ASIC2: variants seen among roughly 807,000 people sequenced by gnomAD.
The protein encoded by ASIC2 is acid sensing ion channel subunit 2.
ASIC2 carries 25 observed loss-of-function variants against 57.3 expected under a neutral mutation model. The observed-to-expected ratio is 0.44, with a 90% CI of 0.32 to 0.61. The LOEUF (loss-of-function observed/expected upper bound fraction) is 0.61, where lower values mean the gene tolerates loss of function less well. Ranked by LOEUF, ASIC2 falls within the 20% of genes least tolerant of loss-of-function variation. The pLI is 0.06. For missense variants in ASIC2, 641 were observed against 738.1 expected, an observed-to-expected ratio of 0.87 and a Z score of 1.52; for synonymous variants, 319 against 307.5, an observed-to-expected ratio of 1.04 and a Z score of -0.39.
At chr17:33,596,620 C>G in intron 1 of ASIC2, among the ~76,000 whole-genome samples, 1 of 152,258 alleles carries the variant, frequency 6.6e-6, no homozygotes. Flanking sequence ...GTAGATAGGA[C>G]CCTCCCAACC....
intron 1 of ASIC2, among the ~76,000 whole-genome samples, chr17:33,283,667 T>G (rs2142172348): frequency 6.6e-6 from 1 of 152,324 alleles, no homozygotes; most frequent in Non-Finnish European, 1.5e-5. Flanking sequence ...TTAAGAGACC[T>G]TAATTCAAAT....
At chr17:33,117,594 G>A (rs1350941585) in intron 1 of ASIC2, among the ~76,000 whole-genome samples, 2 of 152,226 alleles carry the variant, frequency 1.3e-5, no homozygotes, top group Non-Finnish European at 2.9e-5. Context: ...GCAGAGCTGA[G>A]ACTCATGGGT....
intron 1 of ASIC2, among the ~76,000 whole-genome samples, chr17:33,873,662 T>C (rs887553090): frequency 1.3e-5 from 2 of 152,308 alleles, no homozygotes; most frequent in African/African-American, 2.4e-5. Context: ...AACGGGGTAA[T>C]ACCATGTACA....
At chr17:33,080,196 G>A (rs554079555) in intron 3 of ASIC2, among the ~76,000 whole-genome samples, 1 of 152,204 alleles carries the variant, frequency 6.6e-6, no homozygotes, top group East Asian at 1.9e-4. Flanking sequence ...GGGGGCCAAG[G>A]CAGAGTGGGC....
intron 1 of ASIC2, among the ~76,000 whole-genome samples, chr17:33,697,457 C>A (rs1908562576): frequency 6.6e-6 from 1 of 152,136 alleles, no homozygotes; most frequent in Non-Finnish European, 1.5e-5. Context: ...TCAAGGGTCA[C>A]CTGTATTTGT....
chr17:34,031,630 T>A (rs1187548651), intron 1 of ASIC2, among the ~76,000 whole-genome samples: 2 of 151,848 alleles, frequency 1.3e-5, no homozygotes, highest in African/African-American at 4.8e-5. Flanking sequence ...ATTAGACAAA[T>A]GGATAACTAG....
chr17:33,888,924 A>G (rs1437442858), intron 1 of ASIC2, among the ~76,000 whole-genome samples: 1 of 152,132 alleles, frequency 6.6e-6, no homozygotes, highest in Non-Finnish European at 1.5e-5. Context: ...GCATGGGGGA[A>G]GCAGAGGGAC....
chr17:33,696,417 T>C (rs1908529955), intron 1 of ASIC2, among the ~76,000 whole-genome samples: 2 of 152,248 alleles, frequency 1.3e-5, no homozygotes, highest in Admixed American at 6.5e-5. Context: ...TCTAACAAGC[T>C]GGTGTTTGAC....
At chr17:33,265,981 T>C (rs1909443486) in intron 1 of ASIC2, among the ~76,000 whole-genome samples, 1 of 152,210 alleles carries the variant, frequency 6.6e-6, no homozygotes, top group African/African-American at 2.4e-5. Context: ...GTTCACCTCC[T>C]GTCCCATGGC....
chr17:34,082,374 A>G (rs1909917634), intron 1 of ASIC2: 1 of 152,200 alleles, frequency 6.6e-6, no homozygotes, highest in African/African-American at 2.4e-5. Context: ...ATACTATTAA[A>G]TCTTGTATTC....
chr17:33,190,569 C>T (rs1378479864), intron 1 of ASIC2, among the ~76,000 whole-genome samples: 1 of 152,004 alleles, frequency 6.6e-6, no homozygotes, highest in African/African-American at 2.4e-5. Context: ...TGTGAAAGAC[C>T]TAGAATAGTC....
intron 1 of ASIC2, among the ~76,000 whole-genome samples, chr17:33,741,093 G>A (rs1324425868): frequency 6.6e-6 from 1 of 152,160 alleles, no homozygotes; most frequent in East Asian, 1.9e-4. Context: ...CGGAGCTGTC[G>A]AAGGGGCTTC....
At chr17:33,044,554 G>A (rs1321427200) in intron 3 of ASIC2, among the ~76,000 whole-genome samples, 1 of 152,034 alleles carries the variant, frequency 6.6e-6, no homozygotes, top group Non-Finnish European at 1.5e-5. Context: ...TAGAGATGGG[G>A]TTTCACCATG....
chr17:33,643,770 C>T (rs1469106815), intron 1 of ASIC2, among the ~76,000 whole-genome samples: 1 of 152,138 alleles, frequency 6.6e-6, no homozygotes, highest in South Asian at 2.1e-4. Flanking sequence ...CTGTTGTCAA[C>T]AAGAGAGTTA....
chr17:34,043,864 A>C (rs1177606206), intron 1 of ASIC2, among the ~76,000 whole-genome samples: 1 of 152,140 alleles, frequency 6.6e-6, no homozygotes, highest in Non-Finnish European at 1.5e-5. Flanking sequence ...GCTGGAACCA[A>C]GAGTGCAATT....
chr17:34,111,364 G>A (rs945000668), intron 1 of ASIC2, among the ~76,000 whole-genome samples: 4 of 149,902 alleles, frequency 2.7e-5, no homozygotes, highest in African/African-American at 4.9e-5. Flanking sequence ...TGATAAAACA[G>A]ATTCTGGGTC....
At chr17:33,793,693 G>T (rs1471670469) in intron 1 of ASIC2, 2 of 152,174 alleles carry the variant, frequency 1.3e-5, no homozygotes, top group Non-Finnish European at 2.9e-5. Context: ...TCTACCATGT[G>T]CCTGTTTCTC....
At chr17:33,812,984 T>C (rs896212839) in intron 1 of ASIC2, among the ~76,000 whole-genome samples, 4 of 152,150 alleles carry the variant, frequency 2.6e-5, no homozygotes, top group African/African-American at 4.8e-5. Flanking sequence ...TGTCCATTTT[T>C]TGGCTCAGGG....
At chr17:33,435,681 C>T (rs1911586461) in intron 1 of ASIC2, among the ~76,000 whole-genome samples, 1 of 152,140 alleles carries the variant, frequency 6.6e-6, no homozygotes, top group Non-Finnish European at 1.5e-5. Flanking sequence ...AGAAGCAGTT[C>T]TACTAATAAA....
Sources: gnomAD v4.1 joint callset for allele counts (sites outside exome capture counted in the v4.1 genomes callset) on GRCh38, gnomAD v4.1.1 for gene constraint, MANE v1.5 for transcripts, NCBI Gene and HGNC (gene_info 2026-07-23, HGNC 2026-07-21) for gene names.